The following DPYSL2 variants were observed in gnomAD, a reference collection of about 807,000 sequenced individuals.
The protein encoded by DPYSL2 is dihydropyrimidinase-related protein 2.
In DPYSL2, 13 loss-of-function variants were observed where a neutral mutation model predicts 69.9. The observed-to-expected ratio is 0.19, with a 90% CI of 0.12 to 0.30. The LOEUF (loss-of-function observed/expected upper bound fraction) is 0.30, where lower values mean the gene tolerates loss of function less well. Among genes scored for constraint, DPYSL2 ranks in the 10% least tolerant of loss-of-function variants. DPYSL2 has a pLI of 1.00. For missense variants in DPYSL2, 587 were observed against 918.9 expected, an observed-to-expected ratio of 0.64 and a Z score of 4.67; for synonymous variants, 326 against 359.1, an observed-to-expected ratio of 0.91 and a Z score of 1.04.
chr8:26,535,897 GTTGT>G (rs912568512), intron 1 of DPYSL2, among the ~76,000 whole-genome samples: 1 of 108,654 alleles, frequency 9.2e-6, no homozygotes, highest in African/African-American at 4.8e-5. Context: ...CTCTCTATGG[GTTGT>G]GTGTGTGTGT....
Position 26,647,529 on chromosome 8 carries a change from A to G in DPYSL2, c.1426-101A>G. 1 of 1,281,624 alleles carries G rather than the reference A, an allele frequency of 7.8e-7. No individual in the cohort carries two copies. Among genetic ancestry groups the G allele is most frequent in the Admixed American group, 2.2e-5 (1 of 45,868 alleles). 79.4% of individuals were successfully genotyped at this position (1,281,624 alleles called of 1,614,324 possible). Reference sequence around the variant, plus strand: ...ACTTGGCACAACGCTCTTGACATCCATCTAAGCTGTCGTGTGTATCAATAG... The same window carrying G: ...ACTTGGCACAACGCTCTTGACATCCGTCTAAGCTGTCGTGTGTATCAATAG... On this transcript the variant is annotated intron_variant, in intron 10 of 13. Coordinates refer to ENST00000521913, the MANE Select transcript of DPYSL2 (RefSeq NM_001197293.3). This position sits in a 1 kb window ranked among gnomAD's most constrained non-coding sequence, Gnocchi z 5.1.
At position 26,580,368 on chromosome 8, in the gene DPYSL2, C is replaced by G. The variant is rs1347071173; in HGVS notation, c.355-1601C>G. 2.0e-5 allele frequency among the ~76,000 whole-genome samples: 3 copies of G among 152,218 alleles called. No homozygotes were observed. Among genetic ancestry groups the G allele is most frequent in the Non-Finnish European group, 2.9e-5 (2 of 68,036 alleles). ...TCATGGGAATAGAACCTGGCCTCAT[C>G]TACCTCACAGATTTCTTTCGAGGCT... On this transcript the variant is annotated intron_variant, in intron 1 of 13. Coordinates refer to ENST00000521913, the MANE Select transcript of DPYSL2 (RefSeq NM_001197293.3). This position sits in a 1 kb window ranked among gnomAD's most constrained non-coding sequence, Gnocchi z 4.1.
At chr8:26,578,673 A>G in intron 1 of DPYSL2, 1 of 965,178 alleles carries the variant, frequency 1.0e-6, no homozygotes, top group Non-Finnish European at 1.3e-6. Flanking sequence ...GCGTGCTGCG[A>G]GGCTGGACTC....
At chr8:26,567,774 C>A (rs920779960) in intron 1 of DPYSL2, among the ~76,000 whole-genome samples, 1 of 152,136 alleles carries the variant, frequency 6.6e-6, no homozygotes, top group African/African-American at 2.4e-5. Context: ...ACAGGGAATG[C>A]GAAGATGGTG....
At chr8:26,633,095 TG>T (rs1802816912) in intron 7 of DPYSL2, among the ~76,000 whole-genome samples, 1 of 152,244 alleles carries the variant, frequency 6.6e-6, no homozygotes, top group Non-Finnish European at 1.5e-5. Flanking sequence ...AAAATAACAG[TG>T]TTCTGTGGAG....
chr8:26,556,117 C>A (rs866465702), intron 1 of DPYSL2, among the ~76,000 whole-genome samples: 2 of 12,968 alleles, frequency 1.5e-4, no homozygotes, highest in Non-Finnish European at 3.4e-4. Flanking sequence ...TATATATATA[C>A]TATATATATT....
intron 1 of DPYSL2, among the ~76,000 whole-genome samples, chr8:26,546,911 G>A: frequency 9.2e-6 from 1 of 109,042 alleles, no homozygotes; most frequent in South Asian, 3.7e-4. Context: ...GACTGAGGGA[G>A]ACTCAGTCTC....
In DPYSL2 at chr8:26,609,576, G is replaced by A. The variant is rs548866810; in HGVS notation, c.629-14567G>A. 5.3e-5 allele frequency among the ~76,000 whole-genome samples: 8 copies of A among 152,278 alleles called. No homozygotes were observed. Among genetic ancestry groups the A allele is most frequent in the African/African-American group, 1.7e-4 (7 of 41,562 alleles). ...AAGCCAACTCTGAATCTGTGGTCCC[G>A]TAGCCCCAGGCAACCAAAAGCTGAG... On this transcript the variant is annotated intron_variant, in intron 3 of 13. Coordinates refer to ENST00000521913, the MANE Select transcript of DPYSL2 (RefSeq NM_001197293.3). The surrounding 1 kb of genome is among the most constrained non-coding windows in gnomAD (Gnocchi z 6.5).
At chr8:26,538,984 C>T (rs902655902) in intron 1 of DPYSL2, among the ~76,000 whole-genome samples, 5 of 152,148 alleles carry the variant, frequency 3.3e-5, no homozygotes, top group Non-Finnish European at 7.3e-5. Context: ...AGCACTTGCT[C>T]CCCTCCATCC....
At chr8:26,608,860 G>A (rs532354071) in intron 3 of DPYSL2, among the ~76,000 whole-genome samples, 2 of 152,340 alleles carry the variant, frequency 1.3e-5, no homozygotes, top group East Asian at 3.9e-4. Flanking sequence ...AGCGATCTCA[G>A]TCAACAGATG....
At chr8:26,527,234 T>C (rs747289109) in intron 1 of DPYSL2, among the ~76,000 whole-genome samples, 52 of 152,228 alleles carry the variant, frequency 3.4e-4, no homozygotes, top group Non-Finnish European at 1.3e-4. Context: ...GTGACTCTTT[T>C]TGTTTCTCAA....
chr8:26,526,814 A>G (rs146703378), intron 1 of DPYSL2, among the ~76,000 whole-genome samples: 159 of 152,322 alleles, frequency 1.0e-3, no homozygotes, highest in African/African-American at 3.7e-3. Context: ...CGGGGGATCC[A>G]TGGGGCGCCT....
chr8:26,547,803 C>A, intron 1 of DPYSL2: 1 of 366,682 alleles, frequency 2.7e-6, no homozygotes, highest in South Asian at 2.4e-5. Context: ...AGGAATTCCC[C>A]TACAGATTCT....
chr8:26,528,523 T>C (rs1808522431), intron 1 of DPYSL2, among the ~76,000 whole-genome samples: 3 of 151,866 alleles, frequency 2.0e-5, no homozygotes, highest in Admixed American at 1.3e-4. Flanking sequence ...GACTTGCGCC[T>C]GTAGCCCCAG....
At position 26,567,285 on chromosome 8, in the gene DPYSL2, C is replaced by T. The variant is rs1309564795; in HGVS notation, c.355-14684C>T. Among the ~76,000 whole-genome samples the T allele has an allele frequency of 3.3e-4, 31 of 93,912 alleles. No homozygotes were observed. In the Admixed American group the frequency reaches 3.4e-3, roughly 10 times the overall value. 61.6% of individuals were successfully genotyped at this position (93,912 alleles called of 152,430 possible). On this transcript the variant is annotated intron_variant, in intron 1 of 13. Coordinates refer to ENST00000521913, the MANE Select transcript of DPYSL2 (RefSeq NM_001197293.3). ...CCCATTCATTTATCCACCTACCCAT[C>T]CATCCATCCACCCACCACACATCCA... is the stretch of plus-strand genomic sequence containing the variant.
At chr8:26,577,858 C>G in intron 1 of DPYSL2, 1 of 1,084,508 alleles carries the variant, frequency 9.2e-7, no homozygotes, top group Non-Finnish European at 1.1e-6. Context: ...CTGCTCGTCT[C>G]TCTCGAAGCG....
At position 26,585,848 on chromosome 8, in the gene DPYSL2, A is replaced by G. The variant is rs780547582; in HGVS notation, c.628+1865A>G. The stretch of plus-strand genomic sequence containing the variant: ...TTTCTCTGGCTGGGCACCATGGTTC[A>G]TGCCTGTAATTCCAGCACTTTGGGA... On this transcript the variant is annotated intron_variant, in intron 3 of 13. Coordinates refer to ENST00000521913, the MANE Select transcript of DPYSL2 (RefSeq NM_001197293.3). The surrounding 1 kb of genome is among the most constrained non-coding windows in gnomAD (Gnocchi z 4.0). Among the ~76,000 whole-genome samples the G allele has an allele frequency of 9.2e-5, 14 of 152,222 alleles. No individual in the cohort carries two copies. Among genetic ancestry groups the G allele is most frequent in the Non-Finnish European group, 2.1e-4 (14 of 68,028 alleles).
intron 1 of DPYSL2, among the ~76,000 whole-genome samples, chr8:26,575,831 C>T (rs1801317840): frequency 6.6e-6 from 1 of 152,152 alleles, no homozygotes; most frequent in African/African-American, 2.4e-5. Context: ...ATTTGAGTCT[C>T]TTTATTTACT....
intron 1 of DPYSL2, among the ~76,000 whole-genome samples, chr8:26,570,368 A>G (rs553248373): frequency 4.9e-4 from 75 of 152,310 alleles, no homozygotes; most frequent in African/African-American, 1.8e-3. Context: ...AGGAGTAAAG[A>G]AAGACAGCCG....
Sources: gnomAD v4.1 joint callset for allele counts (sites outside exome capture counted in the v4.1 genomes callset) on GRCh38, gnomAD v4.1.1 for gene constraint, Gnocchi (gnomAD v3.1) non-coding constraint, MANE v1.5 for transcripts, NCBI Gene and HGNC (gene_info 2026-07-23, HGNC 2026-07-21) for gene names.